The following SLC4A10 variants were observed in gnomAD, a reference collection of about 807,000 sequenced individuals.
SLC4A10 encodes the protein solute carrier family 4 member 10.
SLC4A10 carries 42 observed loss-of-function variants against 137.7 expected under a neutral mutation model. The ratio of observed to expected loss-of-function variants is 0.30; its 90% confidence interval spans 0.24 to 0.39. The LOEUF (loss-of-function observed/expected upper bound fraction) is 0.39, where lower values mean the gene tolerates loss of function less well. Ranked by LOEUF, SLC4A10 falls within the 10% of genes least tolerant of loss-of-function variation. The probability of loss-of-function intolerance (pLI) is 1.00; values close to 1 mark genes in which losing one functional copy is unlikely to be tolerated. For missense variants in SLC4A10, 925 were observed against 1,355.0 expected (o/e 0.68, Z 4.98); for synonymous variants, 474 against 464.1 (o/e 1.02, Z -0.27).
intron 1 of SLC4A10, among the ~76,000 whole-genome samples, chr2:161,665,616 A>G (rs2038950582): frequency 1.3e-5 from 2 of 151,760 alleles, no homozygotes; most frequent in East Asian, 1.9e-4. Flanking sequence ...AGTAGACACA[A>G]TTCTCAAAAA....
At chr2:161,757,852 T>C (rs981756181) in intron 1 of SLC4A10, among the ~76,000 whole-genome samples, 1 of 152,130 alleles carries the variant, frequency 6.6e-6, no homozygotes, top group African/African-American at 2.4e-5. Context: ...ATGAAGTTCT[T>C]CTAAATAGAA....
chr2:161,858,001 T>C (rs1427625467), intron 5 of SLC4A10, among the ~76,000 whole-genome samples: 1 of 152,186 alleles, frequency 6.6e-6, no homozygotes, highest in Admixed American at 6.5e-5. Flanking sequence ...CATGAGTCAC[T>C]GTGCCCAACC....
At chr2:161,927,745 T>C (rs1385953079) in intron 15 of SLC4A10, among the ~76,000 whole-genome samples, 12 of 152,178 alleles carry the variant, frequency 7.9e-5, no homozygotes, top group Non-Finnish European at 1.6e-4. Flanking sequence ...AGAAGACATT[T>C]ATACAGCCAA....
At chr2:161,802,245 G>A (rs147930019) in intron 2 of SLC4A10, among the ~76,000 whole-genome samples, 83 of 152,118 alleles carry the variant, frequency 5.5e-4, no homozygotes, top group African/African-American at 1.9e-3. Context: ...ATTTACATCC[G>A]TTCTTAAAAT....
At chr2:161,927,093 T>G (rs1689293406) in intron 15 of SLC4A10, among the ~76,000 whole-genome samples, 1 of 152,208 alleles carries the variant, frequency 6.6e-6, no homozygotes, top group Non-Finnish European at 1.5e-5. Context: ...TTTCTGAATC[T>G]GAATGTTGGC....
chr2:161,732,424 A>G (rs1026548746), intron 1 of SLC4A10, among the ~76,000 whole-genome samples: 1 of 152,260 alleles, frequency 6.6e-6, no homozygotes, highest in Middle Eastern at 3.4e-3. Flanking sequence ...CCAACTATAT[A>G]TTTTACCATG....
At chr2:161,794,892 C>G (rs2054594161) in intron 2 of SLC4A10, among the ~76,000 whole-genome samples, 1 of 151,918 alleles carries the variant, frequency 6.6e-6, no homozygotes, top group Non-Finnish European at 1.5e-5. Flanking sequence ...GGTAAGCCAG[C>G]TCTAGCATAC....
chr2:161,804,312 C>A, intron 2 of SLC4A10, 137 bp from the exon 3 acceptor site: 4 of 920,102 alleles, frequency 4.3e-6, no homozygotes, highest in Non-Finnish European at 6.3e-6. Context: ...GTGCCACGCT[C>A]CAAGCTTTAT....
At chr2:161,848,636 G>A (rs2059637597) in intron 4 of SLC4A10, among the ~76,000 whole-genome samples, 1 of 152,092 alleles carries the variant, frequency 6.6e-6, no homozygotes, top group African/African-American at 2.4e-5. Flanking sequence ...ATTGAGTAGG[G>A]AGTCCTTTCC....
intron 10 of SLC4A10, among the ~76,000 whole-genome samples, chr2:161,883,514 A>G (rs1028039535): frequency 6.6e-6 from 1 of 152,190 alleles, no homozygotes; most frequent in African/African-American, 2.4e-5. Context: ...TTCAAAAGGA[A>G]CCAACTTAAT....
chr2:161,927,521 G>A (rs531807450), intron 15 of SLC4A10, among the ~76,000 whole-genome samples: 90 of 152,278 alleles, frequency 5.9e-4, no homozygotes, highest in African/African-American at 2.1e-3. Flanking sequence ...ATTGACAAAT[G>A]GGATCTAATT....
intron 1 of SLC4A10, among the ~76,000 whole-genome samples, chr2:161,689,095 G>A (rs143255733): frequency 4.3e-4 from 65 of 152,172 alleles, no homozygotes; most frequent in African/African-American, 1.5e-3. Context: ...TGTATTTTAA[G>A]CTAAATGTTA....
intron 1 of SLC4A10, among the ~76,000 whole-genome samples, chr2:161,710,913 T>A (rs996461846): frequency 2.6e-5 from 4 of 151,898 alleles, no homozygotes; most frequent in African/African-American, 9.6e-5. Flanking sequence ...TACAATAAAT[T>A]GTGTTCACAT....
chr2:161,911,228 C>T (rs1401182331), intron 15 of SLC4A10, among the ~76,000 whole-genome samples: 1 of 151,864 alleles, frequency 6.6e-6, no homozygotes, highest in Non-Finnish European at 1.5e-5. Context: ...TAACAGCACT[C>T]TTAAAGATTT....
rs1215137020 is a variant in SLC4A10 at position 161,984,278 on chromosome 2, G to A, written c.*1126G>A. On this transcript the variant is annotated 3_prime_UTR_variant, in exon 27 of 27. Transcript: ENST00000446997. Reference sequence around the variant, plus strand: ...TGAAATTTCAGATTCCATTTGAGAAGGTTCTGTAGATATTTCAGTCCATAT... The same window carrying A: ...TGAAATTTCAGATTCCATTTGAGAAAGTTCTGTAGATATTTCAGTCCATAT... The A allele has an allele frequency of 6.6e-6, 1 of 151,964 alleles. No individual in the cohort carries two copies. The highest frequency in any genetic ancestry group is 6.6e-5 in the Admixed American group (1 of 15,256). The allele number at this position is 151,964 out of a possible 1,614,324, so 9.4% of individuals were successfully genotyped here. A position where few individuals can be genotyped will look rare whatever the true frequency, so the allele number is the denominator to read the frequency against.
chr2:161,801,251 T>C (rs889208183), intron 2 of SLC4A10, among the ~76,000 whole-genome samples: 9 of 151,992 alleles, frequency 5.9e-5, no homozygotes, highest in African/African-American at 2.2e-4. Context: ...TTTCTACTTG[T>C]TTCTTCTTTA....
At chr2:161,736,196 A>G (rs2047325402) in intron 1 of SLC4A10, among the ~76,000 whole-genome samples, 1 of 152,058 alleles carries the variant, frequency 6.6e-6, no homozygotes, top group South Asian at 2.1e-4. Flanking sequence ...AGTAATTGAT[A>G]GGCAATAATT....
chr2:161,924,267 T>C (rs569259523), intron 15 of SLC4A10, among the ~76,000 whole-genome samples: 1 of 152,296 alleles, frequency 6.6e-6, no homozygotes, highest in East Asian at 1.9e-4. Flanking sequence ...TCTCACATTT[T>C]TCTTGATTGA....
intron 11 of SLC4A10, 34 bp downstream of exon 11, chr2:161,894,859 A>ATT: frequency 7.7e-7 from 1 of 1,290,494 alleles, no homozygotes; most frequent in Non-Finnish European, 1.0e-6. Flanking sequence ...TTGAAATTGA[A>ATT]TTTTTTTTTG....
Sources: allele counts gnomAD v4.1 joint callset (sites outside exome capture counted in the v4.1 genomes callset), GRCh38; gene constraint gnomAD v4.1.1; transcripts MANE v1.5; gene names NCBI Gene and HGNC (gene_info 2026-07-23, HGNC 2026-07-21).